AGBL1: variants seen among roughly 807,000 people sequenced by gnomAD.
AGBL1 encodes AGBL carboxypeptidase 1.
Under a neutral mutation model 118.9 loss-of-function variants are expected in AGBL1, and 130 were observed. That is an observed-to-expected ratio of 1.09 (90% confidence interval 0.95 to 1.26). AGBL1 has a LOEUF of 1.26. Ranked by LOEUF, AGBL1 falls within the 50% of genes most tolerant of loss-of-function variation. AGBL1 has a pLI of 0.00. For missense variants in AGBL1, 1,584 were observed against 1,298.1 expected, an observed-to-expected ratio of 1.22 and a Z score of -3.38; for synonymous variants, 555 against 478.9, an observed-to-expected ratio of 1.16 and a Z score of -2.08.
chr15:86,983,743 T>G (rs1483552036), intron 23 of AGBL1, among the ~76,000 whole-genome samples: 1 of 152,188 alleles, frequency 6.6e-6, no homozygotes, highest in Non-Finnish European at 1.5e-5. Context: ...GCTGTCAATA[T>G]AGGTTAGTCT....
At chr15:86,464,866 A>G (rs879320131) in intron 18 of AGBL1, among the ~76,000 whole-genome samples, 5 of 151,224 alleles carry the variant, frequency 3.3e-5, no homozygotes, top group South Asian at 4.2e-4. Flanking sequence ...GGATTTTCGC[A>G]TCAATGTTCA....
chr15:86,504,620 A>G (rs555345907), intron 18 of AGBL1, among the ~76,000 whole-genome samples: 1 of 151,742 alleles, frequency 6.6e-6, no homozygotes, highest in South Asian at 2.1e-4. Flanking sequence ...TTGATATATA[A>G]CAATCTAGTC....
At chr15:86,556,132 A>G (rs868599877) in intron 21 of AGBL1, 7 of 1,094,604 alleles carry the variant, frequency 6.4e-6, no homozygotes, top group African/African-American at 6.3e-5. Context: ...GCCATTCACA[A>G]TAAATCAGCT....
intron 23 of AGBL1, among the ~76,000 whole-genome samples, chr15:86,979,064 G>A (rs1002622096): frequency 2.0e-5 from 3 of 152,328 alleles, no homozygotes; most frequent in African/African-American, 7.2e-5. Context: ...ATGACACAGT[G>A]TGAGGAGGTA....
At chr15:86,719,872 A>G (rs1040722993) in intron 22 of AGBL1, among the ~76,000 whole-genome samples, 1 of 152,156 alleles carries the variant, frequency 6.6e-6, no homozygotes, top group Admixed American at 6.5e-5. Flanking sequence ...ATGTGTGTTC[A>G]ATGTCCAGCA....
At chr15:86,466,397 C>T (rs565773958) in intron 18 of AGBL1, among the ~76,000 whole-genome samples, 2 of 152,166 alleles carry the variant, frequency 1.3e-5, no homozygotes, top group Non-Finnish European at 1.5e-5. Context: ...TTCCTCTAAC[C>T]TTTTATCAAG....
At chr15:86,093,737 C>G (rs753410574) in intron 1 of AGBL1, among the ~76,000 whole-genome samples, 1 of 151,994 alleles carries the variant, frequency 6.6e-6, no homozygotes, top group African/African-American at 2.4e-5. Flanking sequence ...CAGAGAAAGT[C>G]AAAATAATTG....
chr15:86,503,720 C>A (rs911726255), intron 18 of AGBL1, among the ~76,000 whole-genome samples: 1 of 151,154 alleles, frequency 6.6e-6, no homozygotes, highest in African/African-American at 2.4e-5. Flanking sequence ...TGTTTAATTT[C>A]CATGTGCTTA....
intron 21 of AGBL1, among the ~76,000 whole-genome samples, chr15:86,600,137 T>G (rs2084471252): frequency 6.6e-6 from 1 of 152,128 alleles, no homozygotes; most frequent in Non-Finnish European, 1.5e-5. Flanking sequence ...TGCCCAGTTC[T>G]GGGCAACATC....
chr15:86,805,146 T>C (rs776891680), intron 22 of AGBL1, among the ~76,000 whole-genome samples: 7 of 152,040 alleles, frequency 4.6e-5, no homozygotes, highest in Non-Finnish European at 8.8e-5. Flanking sequence ...CAATGACAAA[T>C]TATATCAATC....
intron 18 of AGBL1, among the ~76,000 whole-genome samples, chr15:86,495,296 T>G (rs1283652074): frequency 1.3e-5 from 2 of 151,818 alleles, no homozygotes; most frequent in Non-Finnish European, 2.9e-5. Context: ...CAAGAAAATT[T>G]CTAAAATTCA....
At chr15:86,981,058 T>C (rs924634738) in intron 23 of AGBL1, among the ~76,000 whole-genome samples, 1 of 152,028 alleles carries the variant, frequency 6.6e-6, no homozygotes, top group Non-Finnish European at 1.5e-5. Context: ...GGCTAACTTT[T>C]GTATTTTCAG....
At chr15:86,734,949 T>C (rs1241031941) in intron 22 of AGBL1, among the ~76,000 whole-genome samples, 1 of 152,118 alleles carries the variant, frequency 6.6e-6, no homozygotes, top group Non-Finnish European at 1.5e-5. Flanking sequence ...CAAACACATA[T>C]ACATGCCCCA....
At chr15:86,960,420 G>C (rs897406224) in intron 23 of AGBL1, among the ~76,000 whole-genome samples, 1 of 151,984 alleles carries the variant, frequency 6.6e-6, no homozygotes. Context: ...TATTTTCATA[G>C]GGTAAGGATC....
intron 1 of AGBL1, among the ~76,000 whole-genome samples, chr15:86,109,056 T>A (rs1897215202): frequency 6.6e-6 from 1 of 152,130 alleles, no homozygotes; most frequent in African/African-American, 2.4e-5. Context: ...TGATTAAACA[T>A]CTCTAGCTGT....
At chr15:86,666,991 G>C (rs1236574064) in intron 21 of AGBL1, among the ~76,000 whole-genome samples, 1 of 152,006 alleles carries the variant, frequency 6.6e-6, no homozygotes, top group East Asian at 1.9e-4. Context: ...GAGATGACTT[G>C]TATCAGACAT....
chr15:86,964,177 C>T (rs2081025430), intron 23 of AGBL1, among the ~76,000 whole-genome samples: 1 of 151,886 alleles, frequency 6.6e-6, no homozygotes, highest in African/African-American at 2.4e-5. Flanking sequence ...GGGACCAAAC[C>T]TGGTTCTGCC....
intron 19 of AGBL1, among the ~76,000 whole-genome samples, chr15:86,539,545 C>T (rs2083467351): frequency 6.6e-6 from 1 of 152,196 alleles, no homozygotes; most frequent in South Asian, 2.1e-4. Flanking sequence ...AAGAAAATGT[C>T]TCAACATTCT....
intron 15 of AGBL1, among the ~76,000 whole-genome samples, chr15:86,278,896 C>T (rs764795590): frequency 6.6e-6 from 1 of 152,166 alleles, no homozygotes; most frequent in East Asian, 1.9e-4. Context: ...TCATCTTTGA[C>T]AAAGGAAAAT....
Sources: gnomAD v4.1 joint callset for allele counts (sites outside exome capture counted in the v4.1 genomes callset) on GRCh38, gnomAD v4.1.1 for gene constraint, MANE v1.5 for transcripts, NCBI Gene and HGNC (gene_info 2026-07-23, HGNC 2026-07-21) for gene names.